CDC45: variants seen among roughly 807,000 people sequenced by gnomAD.
The protein encoded by CDC45 is cell division control protein 45 homolog.
CDC45 carries 54 observed loss-of-function variants against 77.8 expected under a neutral mutation model. That is an observed-to-expected ratio of 0.69 (90% CI 0.56 to 0.87). CDC45 has a LOEUF of 0.87. Ranked by LOEUF, CDC45 falls within the 40% of genes least tolerant of loss-of-function variation. CDC45 has a pLI of 0.00. For missense variants in CDC45, 649 were observed against 721.6 expected, an observed-to-expected ratio of 0.90 and a Z score of 1.15; for synonymous variants, 260 against 272.1, an observed-to-expected ratio of 0.96 and a Z score of 0.44.
chr22:19,507,654 A>G, intron 11 of CDC45, 112 bp from the exon 12 acceptor site: 1 of 1,356,304 alleles, frequency 7.4e-7, no homozygotes, highest in Non-Finnish European at 1.0e-6. Context: ...ATCCCAGAAT[A>G]TCTTCTGAAT....
At chr22:19,498,024 A>G (rs1360705492) in intron 8 of CDC45, among the ~76,000 whole-genome samples, 1 of 148,520 alleles carries the variant, frequency 6.7e-6, no homozygotes, top group Non-Finnish European at 1.5e-5. Context: ...AAAAAAAAAA[A>G]TTAGCCAGGC....
Position 19,520,275 on chromosome 22 carries a change from G to A in CDC45, c.*2-206G>A, listed in dbSNP as rs1934038254. Among the ~76,000 whole-genome samples, 1 of 152,110 alleles carries A rather than the reference G, an allele frequency of 6.6e-6. No homozygotes were observed. The highest frequency in any genetic ancestry group is 1.5e-5 in the Non-Finnish European group (1 of 68,014). On this transcript the variant is annotated intron_variant, in intron 18 of 18. Transcript: ENST00000263201. This position sits in a 1 kb window ranked among gnomAD's most constrained non-coding sequence, Gnocchi z 4.5. Reference sequence around the variant, plus strand: ...AGGTAAGAAGGTGCCCGGGCCAGGGGGCAGGAGCTCTGATGTAGGACAGCT... The same window carrying A: ...AGGTAAGAAGGTGCCCGGGCCAGGGAGCAGGAGCTCTGATGTAGGACAGCT...
At chr22:19,479,841 G>C, upstream of CDC45, 1 of 923,094 alleles carries the variant, frequency 1.1e-6, no homozygotes, top group Non-Finnish European at 1.8e-6. Flanking sequence ...AAGGAAGGCT[G>C]GGAACTAAGA....
chr22:19,484,583 G>A (rs758626784), intron 5 of CDC45, among the ~76,000 whole-genome samples: 1 of 150,836 alleles, frequency 6.6e-6, no homozygotes, highest in Admixed American at 6.6e-5. Flanking sequence ...CCCATAGCAC[G>A]GAGGGCCACG....
At chr22:19,501,001 A>G (rs1472444625) in intron 9 of CDC45, among the ~76,000 whole-genome samples, 3 of 152,150 alleles carry the variant, frequency 2.0e-5, no homozygotes, top group Non-Finnish European at 4.4e-5. Flanking sequence ...ATATGGTGAA[A>G]CACCGTCTCT....
At chr22:19,517,944 A>G (rs897159760) in intron 17 of CDC45, among the ~76,000 whole-genome samples, 4 of 152,128 alleles carry the variant, frequency 2.6e-5, no homozygotes, top group African/African-American at 9.7e-5. Context: ...CCTCATCACC[A>G]CGGATTCCTC....
chr22:19,494,287 G>T, intron 5 of CDC45, 40 bp from the exon 6 acceptor site: 1 of 1,581,720 alleles, frequency 6.3e-7, no homozygotes, highest in South Asian at 1.1e-5. Flanking sequence ...AATTCCTGGT[G>T]CATTTGCTCC....
At chr22:19,515,262 A>G (rs544548338) in intron 15 of CDC45, among the ~76,000 whole-genome samples, 162 of 152,268 alleles carry the variant, frequency 1.1e-3, no homozygotes, top group African/African-American at 3.8e-3. Flanking sequence ...TGGCTGTCTA[A>G]GTCACTCAGA....
At chr22:19,485,601 C>T (rs1057315967) in intron 5 of CDC45, among the ~76,000 whole-genome samples, 1 of 152,202 alleles carries the variant, frequency 6.6e-6, no homozygotes, top group Non-Finnish European at 1.5e-5. Flanking sequence ...TGATGAGATA[C>T]AGGAAAATAA....
At position 19,482,733 on chromosome 22, in the gene CDC45, T is replaced by C. The variant is rs746896071; in HGVS notation, c.248T>C (p.Leu83Pro). Residue 83 changes from leucine to proline, a missense_variant, in exon 4 of 19, where the codon CTA becomes CCA. Coordinates refer to ENST00000263201, the MANE Select transcript of CDC45 (RefSeq NM_003504.5). ...ATAAACTGTGGAGCTAATGTAGACCTATTGGATATTCTTCAACCTGATGAA... is the reference window on the plus strand; with the variant it reads ...ATAAACTGTGGAGCTAATGTAGACCCATTGGATATTCTTCAACCTGATGAA... ...ILINCGANVDLLDILQPDEDT... is the reference protein window; with the variant it reads ...ILINCGANVDPLDILQPDEDT... The C allele has an allele frequency of 2.5e-5, 41 of 1,612,166 alleles. No homozygotes were observed. The highest frequency in any genetic ancestry group is 3.5e-5 in the Non-Finnish European group (41 of 1,178,272).
At chr22:19,499,010 T>C (rs2090292861) in intron 8 of CDC45, 91 bp from the exon 9 acceptor site, 4 of 1,379,644 alleles carry the variant, frequency 2.9e-6, no homozygotes, top group Admixed American at 1.7e-5. Context: ...AGTGCTGAGC[T>C]TGGGCCCGTT....
chr22:19,484,543 A>T (rs1642019390), intron 5 of CDC45, among the ~76,000 whole-genome samples: 1 of 152,184 alleles, frequency 6.6e-6, no homozygotes, highest in South Asian at 2.1e-4. Context: ...CTTCTGCAAG[A>T]TGTAAAATGA....
At chr22:19,490,119 C>T (rs572960589) in intron 5 of CDC45, among the ~76,000 whole-genome samples, 4 of 152,230 alleles carry the variant, frequency 2.6e-5, no homozygotes, top group East Asian at 3.9e-4. Context: ...AATGTTTGCA[C>T]GATATATCTT....
At position 19,505,495 on chromosome 22, in the gene CDC45, C is replaced by T; in HGVS notation, c.824+14C>T. On this transcript the variant is annotated intron_variant, in intron 10 of 18. Transcript: ENST00000263201. ...CTTTGAGTATGAGTATCCTTGTGGCCCAGCCTGAGGGGCACAGGCAGCACC... is the reference window on the plus strand; with the variant it reads ...CTTTGAGTATGAGTATCCTTGTGGCTCAGCCTGAGGGGCACAGGCAGCACC... 1 of 1,613,718 alleles carries T rather than the reference C, an allele frequency of 6.2e-7. No homozygotes were observed.
intron 3 of CDC45, among the ~76,000 whole-genome samples, chr22:19,482,018 TA>T (rs1300029748): frequency 6.6e-6 from 1 of 152,222 alleles, no homozygotes; most frequent in Non-Finnish European, 1.5e-5. Context: ...GTTTCCAACT[TA>T]AAATCCAGGA....
At chr22:19,479,724 T>G (rs980603693), upstream of CDC45, 1 of 673,680 alleles carries the variant, frequency 1.5e-6, no homozygotes, top group Non-Finnish European at 2.7e-6. Context: ...GCAACAGTGT[T>G]TGCGTTCGGC....
At chr22:19,480,593 G>C (rs1015347683) in intron 2 of CDC45, among the ~76,000 whole-genome samples, 2 of 151,316 alleles carry the variant, frequency 1.3e-5, no homozygotes, top group African/African-American at 4.8e-5. Context: ...TCGTGTCACA[G>C]GTGTTGCTGG....
At chr22:19,496,376 G>A (rs111835400) in intron 7 of CDC45, among the ~76,000 whole-genome samples, 2,097 of 152,316 alleles carry the variant, frequency 0.014, 56 homozygotes, top group African/African-American at 0.047. Flanking sequence ...GACTTATAAT[G>A]GCCCATCAGT....
intron 5 of CDC45, 150 bp downstream of exon 5, chr22:19,484,155 C>T (rs995846233): frequency 2.9e-6 from 2 of 695,710 alleles, no homozygotes; most frequent in Non-Finnish European, 2.3e-6. Flanking sequence ...GCTCTGCTGT[C>T]CCCTGGTTAT....
Sources: allele counts gnomAD v4.1 joint callset (sites outside exome capture counted in the v4.1 genomes callset), GRCh38; gene constraint gnomAD v4.1.1; non-coding constraint Gnocchi (gnomAD v3.1); transcripts MANE v1.5; gene names NCBI Gene and HGNC (gene_info 2026-07-23, HGNC 2026-07-21).